CHAF1A: variants seen among roughly 807,000 people sequenced by gnomAD.
The protein encoded by CHAF1A is CAF-1 subunit A.
A neutral mutation model predicts 93.2 loss-of-function variants in CHAF1A; 5 were observed. That is an observed-to-expected ratio of 0.05 (90% CI 0.03 to 0.11). CHAF1A has a LOEUF of 0.11. CHAF1A is among the 10% of genes least tolerant of loss of function. The pLI is 1.00. For missense variants in CHAF1A, 1,102 were observed against 1,259.9 expected (o/e 0.87, Z 1.90); for synonymous variants, 504 against 510.3 (o/e 0.99, Z 0.17).
chr19:4,445,434 C>T (rs1020603890), downstream of CHAF1A: 21 of 1,600,200 alleles, frequency 1.3e-5, no homozygotes, highest in Non-Finnish European at 1.7e-5. Flanking sequence ...CCTGGGGTGG[C>T]GGGGAGAGGA....
chr19:4,433,295 A>G lies in CHAF1A; in HGVS notation c.2429A>G (p.Lys810Arg). The G allele has an allele frequency of 6.2e-7, 1 of 1,614,196 alleles. No individual in the cohort carries two copies. Among genetic ancestry groups the G allele is most frequent in the Non-Finnish European group, 8.5e-7 (1 of 1,180,036 alleles). The change falls in exon 13 of 15, where the codon AAG (lysine) becomes AGG (arginine). Residue 810 changes from lysine (K) to arginine (R), a missense_variant. Coordinates refer to ENST00000301280, the MANE Select transcript of CHAF1A (RefSeq NM_005483.3). The surrounding 1 kb of genome is among the most constrained non-coding windows in gnomAD (Gnocchi z 5.6). ...RLISENSVYE[K>R]RPDFRMCWYV... The stretch of plus-strand genomic sequence containing the variant: ...ATTTCCGAGAACTCAGTGTATGAGA[A>G]GCGGCCTGACTTCAGGATGTGCTGG...
downstream of CHAF1A, chr19:4,446,012 C>T (rs1568187706): frequency 1.3e-6 from 2 of 1,573,324 alleles, no homozygotes; most frequent in Admixed American, 1.8e-5. Flanking sequence ...CCTGCAGAGG[C>T]ATCGGGTCAG....
At chr19:4,418,914 G>T (rs1452456864) in intron 4 of CHAF1A, among the ~76,000 whole-genome samples, 1 of 152,008 alleles carries the variant, frequency 6.6e-6, no homozygotes, top group Non-Finnish European at 1.5e-5. Flanking sequence ...CCAGACTGGA[G>T]TGCAGTGGCA....
intron 2 of CHAF1A, among the ~76,000 whole-genome samples, chr19:4,406,586 C>T (rs1348058575): frequency 6.6e-6 from 1 of 152,060 alleles, no homozygotes; most frequent in Non-Finnish European, 1.5e-5. Context: ...AGGCGCGTGC[C>T]ACCACACCCA....
chr19:4,405,667 G>A (rs1348086107), intron 1 of CHAF1A, among the ~76,000 whole-genome samples: 1 of 149,306 alleles, frequency 6.7e-6, no homozygotes, highest in East Asian at 2.0e-4. Context: ...GTGGTGTGCT[G>A]TGCATTGCAT....
At chr19:4,445,896 C>T, downstream of CHAF1A, 6 of 1,292,564 alleles carry the variant, frequency 4.6e-6, no homozygotes, top group South Asian at 7.4e-5. Flanking sequence ...GGCCCTGCTG[C>T]CAGTAAGTGG....
chr19:4,448,602 A>C, downstream of CHAF1A: 1 of 605,316 alleles, frequency 1.7e-6, no homozygotes. Flanking sequence ...GCCCCAGGGC[A>C]GAGGCGACGC....
chr19:4,427,317 T>TTTTTGTTTTG (rs571625536), intron 7 of CHAF1A, among the ~76,000 whole-genome samples: 2 of 136,144 alleles, frequency 1.5e-5, no homozygotes, highest in Admixed American at 7.5e-5. Context: ...GCCAAGCTAA[T>TTTTTGTTTTG]TTTTGTTTTG....
chr19:4,423,401 G>T lies in CHAF1A; in HGVS notation c.1308+6G>T, dbSNP rs369600602. On this transcript the variant is annotated splice_donor_region_variant and intron_variant, in intron 6 of 14. Coordinates refer to ENST00000301280, the MANE Select transcript of CHAF1A (RefSeq NM_005483.3). ...GGTTAAGAGAAGAAGAGAAGGTAGA[G>T]TGTTTCCCACAGAGCTTCCCCGTCC... 4 of 1,613,912 alleles carry T rather than the reference G, an allele frequency of 2.5e-6. No individual in the cohort carries two copies. Among genetic ancestry groups the T allele is most frequent in the Non-Finnish European group, 3.4e-6 (4 of 1,179,962 alleles).
At position 4,409,295 on chromosome 19, in the gene CHAF1A, AACG is replaced by A. The variant is rs1460943466; in HGVS notation, c.499_501del (p.Asp167del). On this transcript the variant is annotated inframe_deletion, in exon 3 of 15. Coordinates refer to ENST00000301280, the MANE Select transcript of CHAF1A (RefSeq NM_005483.3). ...GCAGGGGTTGTTGAAGGCCATTCAGAACGACAAGTTGGCATTTCCTGGAGAGAC... is the reference window on the plus strand; with the variant it reads ...GCAGGGGTTGTTGAAGGCCATTCAGAACAAGTTGGCATTTCCTGGAGAGAC... 6.2e-7 allele frequency: 1 copy of A among 1,614,112 alleles called. No homozygotes were observed. Among genetic ancestry groups the A allele is most frequent in the Non-Finnish European group, 8.5e-7 (1 of 1,180,006 alleles).
At chr19:4,450,455 T>C in the CHAF1A span, 1 of 151,862 alleles carries the variant, frequency 6.6e-6, no homozygotes, top group Non-Finnish European at 1.5e-5. Flanking sequence ...AAAGCCTAAA[T>C]TGCCTAATAT....
chr19:4,434,268 C>T (rs1252999969), intron 13 of CHAF1A, among the ~76,000 whole-genome samples: 1 of 152,102 alleles, frequency 6.6e-6, no homozygotes, highest in African/African-American at 2.4e-5. Flanking sequence ...ATTACTGGAG[C>T]CTAGGAGATT....
intron 7 of CHAF1A, among the ~76,000 whole-genome samples, 152 bp from the exon 8 acceptor site, chr19:4,428,510 ACT>A (rs1177816161): frequency 6.6e-6 from 1 of 150,596 alleles, no homozygotes; most frequent in East Asian, 2.0e-4. Flanking sequence ...AGCTCTGGAA[ACT>A]CGGCTCTGTG....
chr19:4,441,350 C>G (rs1167604239), intron 13 of CHAF1A, among the ~76,000 whole-genome samples: 2 of 151,890 alleles, frequency 1.3e-5, no homozygotes, highest in Non-Finnish European at 1.5e-5. Flanking sequence ...ATACAGTTGT[C>G]TGTAATCCCA....
intron 7 of CHAF1A, among the ~76,000 whole-genome samples, chr19:4,424,123 T>G (rs1974038754): frequency 6.6e-6 from 1 of 152,212 alleles, no homozygotes; most frequent in Admixed American, 6.5e-5. Context: ...ATGAATAATT[T>G]TGTGTTAGGC....
At chr19:4,438,942 AC>A (rs1269498465) in intron 13 of CHAF1A, among the ~76,000 whole-genome samples, 1 of 152,132 alleles carries the variant, frequency 6.6e-6, no homozygotes, top group African/African-American at 2.4e-5. Flanking sequence ...AGATCGCGCC[AC>A]TGCACTCCAG....
downstream of CHAF1A, chr19:4,449,095 C>A (rs538915568): frequency 6.5e-6 from 1 of 154,038 alleles, no homozygotes; most frequent in African/African-American, 2.4e-5. Context: ...CGAACAGCGT[C>A]CCAGCATGGA....
Position 4,432,113 on chromosome 19 carries a change from A to C in CHAF1A, c.2109A>C (p.Val703=). ...DRDCAGDDLK[V]LQQFAACFLE... ...ACTGCGCAGGCGATGACCTGAAGGT[A>C]CTGCAGCAGTTCGCAGCCTGCTTCC... The change falls in exon 12 of 15, where the codon GTA becomes GTC. Residue 703 remains valine (V), a synonymous_variant. Transcript: ENST00000301280. The C allele has an allele frequency of 6.2e-7, 1 of 1,613,840 alleles. No homozygotes were observed. The highest frequency in any genetic ancestry group is 8.5e-7 in the Non-Finnish European group (1 of 1,179,948).
rs1250933137 is a variant in CHAF1A at position 4,433,711 on chromosome 19, C to T, written c.2673+172C>T. On this transcript the variant is annotated intron_variant, in intron 13 of 14. Coordinates refer to ENST00000301280, the MANE Select transcript of CHAF1A (RefSeq NM_005483.3). The surrounding 1 kb of genome is among the most constrained non-coding windows in gnomAD (Gnocchi z 5.6). The stretch of plus-strand genomic sequence containing the variant: ...CTCCCTCCTGGGTTCAAGTGATTCT[C>T]CTGCCTTAGCCTCCTGAGTAGCTGG... Among the ~76,000 whole-genome samples the T allele has an allele frequency of 1.3e-5, 2 of 151,926 alleles. No individual in the cohort carries two copies. The highest frequency in any genetic ancestry group is 3.9e-4 in the East Asian group (2 of 5,132).
Sources: allele counts gnomAD v4.1 joint callset (sites outside exome capture counted in the v4.1 genomes callset), GRCh38; gene constraint gnomAD v4.1.1; non-coding constraint Gnocchi (gnomAD v3.1); transcripts MANE v1.5; gene names NCBI Gene and HGNC (gene_info 2026-07-23, HGNC 2026-07-21).